Variants in ISOC1 observed in about 807,000 individuals in gnomAD.
ISOC1 encodes isochorismatase domain-containing protein 1.
A neutral mutation model predicts 30.0 loss-of-function variants in ISOC1; 33 were observed. That is an observed-to-expected ratio of 1.10 (90% confidence interval 0.83 to 1.47). The LOEUF (loss-of-function observed/expected upper bound fraction) is 1.47. ISOC1 is among the 40% of genes most tolerant of loss of function. ISOC1 has a pLI of 0.00. For missense variants in ISOC1, 372 were observed against 388.0 expected, an observed-to-expected ratio of 0.96 and a Z score of 0.35; for synonymous variants, 178 against 159.8, an observed-to-expected ratio of 1.11 and a Z score of -0.86.
intron 1 of ISOC1, among the ~76,000 whole-genome samples, chr5:129,100,693 G>A (rs1254876103): frequency 6.6e-6 from 1 of 152,066 alleles, no homozygotes; most frequent in Non-Finnish European, 1.5e-5. Context: ...TTTGGTTTAA[G>A]AGAACTTCAT....
chr5:129,113,780 C>A lies in ISOC1; in HGVS notation c.*779C>A, dbSNP rs1580791856. Reference sequence around the variant, plus strand: ...ATATTCTAGTGTCCACAAGATTTAGCAAAAAGATAAAGCTTGGGTGGAATA... The same window carrying A: ...ATATTCTAGTGTCCACAAGATTTAGAAAAAAGATAAAGCTTGGGTGGAATA... On this transcript the variant is annotated 3_prime_UTR_variant, in exon 5 of 5. Coordinates refer to ENST00000173527, the MANE Select transcript of ISOC1 (RefSeq NM_016048.2). 6.6e-6 allele frequency: 1 copy of A among 152,180 alleles called. No individual in the cohort carries two copies. The highest frequency in any genetic ancestry group is 1.9e-4 in the East Asian group (1 of 5,176). 9.4% of individuals were successfully genotyped at this position (152,180 alleles called of 1,614,324 possible).
chr5:129,107,375 T>C (rs776463820), intron 4 of ISOC1, among the ~76,000 whole-genome samples: 6 of 152,136 alleles, frequency 3.9e-5, no homozygotes, highest in Non-Finnish European at 8.8e-5. Context: ...CTAAACTGTT[T>C]AGAGGTTTGC....
chr5:129,106,857 C>T, intron 3 of ISOC1, 89 bp from the exon 4 acceptor site: 3 of 866,866 alleles, frequency 3.5e-6, no homozygotes, highest in Non-Finnish European at 5.7e-6. Context: ...ATCTGTAGTG[C>T]TCTGTCTGCT....
chr5:129,109,053 C>T (rs1753671900), intron 4 of ISOC1, among the ~76,000 whole-genome samples: 1 of 152,166 alleles, frequency 6.6e-6, no homozygotes, highest in South Asian at 2.1e-4. Context: ...GACTTTTCTC[C>T]TACATTCATA....
chr5:129,096,526 G>T (rs1753503596), intron 1 of ISOC1, among the ~76,000 whole-genome samples: 1 of 152,214 alleles, frequency 6.6e-6, no homozygotes, highest in Non-Finnish European at 1.5e-5. Flanking sequence ...TGGATACAGT[G>T]ATCTGATACC....
intron 1 of ISOC1, among the ~76,000 whole-genome samples, chr5:129,102,665 A>G (rs1753586752): frequency 6.6e-6 from 1 of 152,026 alleles, no homozygotes; most frequent in Non-Finnish European, 1.5e-5. Context: ...CTAATTTATA[A>G]GTTAGAACAG....
At position 129,095,177 on chromosome 5, in the gene ISOC1, C is replaced by A. The variant is rs950704398; in HGVS notation, c.309+102C>A. ...CGCTCCTCAGGTGCCCCGAGCCGCC[C>A]GGGACCCGGGCCCTGCGCGAGTGGC... On this transcript the variant is annotated intron_variant, in intron 1 of 4. Coordinates refer to ENST00000173527, the MANE Select transcript of ISOC1 (RefSeq NM_016048.2). 3 of 1,188,596 alleles carry A rather than the reference C, an allele frequency of 2.5e-6. No individual in the cohort carries two copies. The African/African-American group carries it at 4.8e-5, about 19-fold the overall frequency. 73.6% of individuals were successfully genotyped at this position (1,188,596 alleles called of 1,614,324 possible).
chr5:129,107,991 A>C lies in ISOC1; in HGVS notation c.750+929A>C, dbSNP rs766050516. On this transcript the variant is annotated intron_variant, in intron 4 of 4. Coordinates refer to ENST00000173527, the MANE Select transcript of ISOC1 (RefSeq NM_016048.2). ...AATATTCACTCCATATTGTCGTTTG[A>C]TCTCTCTCTCTCTCATATTTAGTTC... Among the ~76,000 whole-genome samples, 25 of 151,410 alleles carry C rather than the reference A, an allele frequency of 1.7e-4. 1 individual carries two copies. In the Middle Eastern group the frequency reaches 0.027, roughly 165 times the overall value.
chr5:129,103,697 G>C (rs1212454144), intron 1 of ISOC1, among the ~76,000 whole-genome samples: 1 of 152,162 alleles, frequency 6.6e-6, no homozygotes, highest in Non-Finnish European at 1.5e-5. Context: ...CCCCTGCAGA[G>C]ATACTAAGGA....
rs753025917 is a variant in ISOC1, at chr5:129,095,897, A to ATATTT, written c.309+824_309+828dup. Among the ~76,000 whole-genome samples the ATATTT allele has an allele frequency of 5.3e-5, 8 of 152,190 alleles. 1 individual carries two copies. The South Asian group carries it at 1.7e-3, about 31-fold the overall frequency. On this transcript the variant is annotated intron_variant, in intron 1 of 4. Transcript: ENST00000173527. ...GATCAGATTGTTCACTGGCGAATTT[A>ATATTT]TATTTTGGAAAGGAAAGAATATAAG...
intron 4 of ISOC1, 151 bp from the exon 5 acceptor site, chr5:129,112,704 T>C: frequency 1.4e-6 from 1 of 727,480 alleles, no homozygotes; most frequent in Non-Finnish European, 2.3e-6. Context: ...GGTCTTGAAA[T>C]CCATCCCCAT....
intron 1 of ISOC1, among the ~76,000 whole-genome samples, chr5:129,101,192 A>AAAAAAAAAAAAAAAATATAT: frequency 2.4e-5 from 1 of 42,238 alleles, no homozygotes; most frequent in Non-Finnish European, 3.6e-5. Flanking sequence ...AAAAAAAAAA[A>AAAAAAAAAAAAAAAATATAT]ATATATATAT....
intron 4 of ISOC1, among the ~76,000 whole-genome samples, chr5:129,107,977 C>T (rs184831378): frequency 2.0e-5 from 3 of 152,296 alleles, no homozygotes; most frequent in East Asian, 1.9e-4. Context: ...ATATTCACTC[C>T]ATATTGTCGT....
At chr5:129,103,232 T>C (rs1393517085) in intron 1 of ISOC1, among the ~76,000 whole-genome samples, 1 of 152,162 alleles carries the variant, frequency 6.6e-6, no homozygotes, top group Non-Finnish European at 1.5e-5. Context: ...GATTGGTTTT[T>C]AAAATAGTAT....
chr5:129,102,275 G>A (rs1360960892), intron 1 of ISOC1, among the ~76,000 whole-genome samples: 2 of 152,180 alleles, frequency 1.3e-5, no homozygotes, highest in African/African-American at 4.8e-5. Flanking sequence ...CCTGTACTCT[G>A]CTTTAAAAAC....
chr5:129,110,087 G>C (rs542907902), intron 4 of ISOC1, among the ~76,000 whole-genome samples: 1 of 152,074 alleles, frequency 6.6e-6, no homozygotes, highest in Non-Finnish European at 1.5e-5. Context: ...TTGTACTTCC[G>C]GGGAGTTTTA....
intron 1 of ISOC1, among the ~76,000 whole-genome samples, chr5:129,099,587 TA>T (rs1352494635): frequency 2.0e-5 from 3 of 152,354 alleles, no homozygotes; most frequent in African/African-American, 7.2e-5. Context: ...ATCTACTTTA[TA>T]AATCACTTTA....
At chr5:129,111,752 C>T (rs1753712313) in intron 4 of ISOC1, among the ~76,000 whole-genome samples, 1 of 152,114 alleles carries the variant, frequency 6.6e-6, no homozygotes, top group Non-Finnish European at 1.5e-5. Flanking sequence ...TCTCTTCCTT[C>T]CCTTCTTTCC....
At chr5:129,106,882 T>A in intron 3 of ISOC1, 64 bp from the exon 4 acceptor site, 8 of 1,124,236 alleles carry the variant, frequency 7.1e-6, no homozygotes, top group Non-Finnish European at 1.1e-5. Flanking sequence ...CATGTTGTTG[T>A]ACATTTGTAA....
Sources: allele counts gnomAD v4.1 joint callset (sites outside exome capture counted in the v4.1 genomes callset), GRCh38; gene constraint gnomAD v4.1.1; transcripts MANE v1.5; gene names NCBI Gene and HGNC (gene_info 2026-07-23, HGNC 2026-07-21).